IRS2: variants seen among roughly 807,000 people sequenced by gnomAD.
IRS2 encodes the protein insulin receptor substrate 2.
In IRS2, 28 loss-of-function variants were observed where a neutral mutation model predicts 70.9. That is an observed-to-expected ratio of 0.39 (90% CI 0.29 to 0.54). The LOEUF is 0.54. Among genes scored for constraint, IRS2 ranks in the 20% least tolerant of loss-of-function variants. The pLI, the probability that IRS2 is intolerant of heterozygous loss-of-function variation, is 0.59. For missense variants in IRS2, 2,081 were observed against 2,024.1 expected, an observed-to-expected ratio of 1.03 and a Z score of -0.54; for synonymous variants, 1,217 against 981.9, an observed-to-expected ratio of 1.24 and a Z score of -4.48.
Position 109,782,672 on chromosome 13 carries a change from C to T in IRS2, c.3382G>A (p.Asp1128Asn). 1 of 1,573,052 alleles carries T rather than the reference C, an allele frequency of 6.4e-7. No homozygotes were observed. The highest frequency in any genetic ancestry group is 2.3e-5 in the East Asian group (1 of 42,842). The change falls in exon 1 of 2, where the codon GAC (aspartate) becomes AAC (asparagine). Residue 1128 changes from aspartate (D) to asparagine (N), a missense_variant. Physicochemically the swap from Asp to Asn is conservative, Grantham distance 23. Around this residue, in one of 4 missense-constraint regions of IRS2, gnomAD observed 1,615 missense variants for 1,459.5 expected, o/e 1.11. Transcript: ENST00000375856. ...ATGACCTTGGCGCCGCGGTGGGGGT[C>T]CGGGGGCTGGCTGGCCTGCAGGAAG... is the stretch of plus-strand genomic sequence containing the variant. ...EAFLQASQPP[D>N]PHRGAKVIRA...
intron 1 of IRS2, among the ~76,000 whole-genome samples, chr13:109,777,524 G>T (rs78090909): frequency 6.6e-6 from 1 of 151,978 alleles, no homozygotes; most frequent in Admixed American, 6.6e-5. Flanking sequence ...AAAGAATCAC[G>T]CATTTTCCTA....
chr13:109,783,821 T>C lies in IRS2; in HGVS notation c.2233A>G (p.Met745Val), dbSNP rs771403886. The C allele has an allele frequency of 1.3e-6, 2 of 1,590,994 alleles. No individual in the cohort carries two copies. Among genetic ancestry groups the C allele is most frequent in the Non-Finnish European group, 1.7e-6 (2 of 1,169,168 alleles). Reference protein sequence around the residue: ...SSPEDSGYMRMWCGSKLSMEH... With the variant: ...SSPEDSGYMRVWCGSKLSMEH... ...ATGGACAGCTTGGAACCGCACCACA[T>C]GCGCATGTACCCACTGTCCTCGGGG... is the stretch of plus-strand genomic sequence containing the variant. Residue 745 changes from methionine to valine, a missense_variant, in exon 1 of 2, where the codon ATG (methionine) becomes GTG (valine). Transcript: ENST00000375856.
At position 109,782,129 on chromosome 13, in the gene IRS2, GC is replaced by G. The variant is rs747968639; in HGVS notation, c.3924del (p.Pro1309ArgfsTer22). 3 of 1,607,970 alleles carry G rather than the reference GC, an allele frequency of 1.9e-6. No individual in the cohort carries two copies. Among genetic ancestry groups the G allele is most frequent in the Non-Finnish European group, 1.7e-6 (2 of 1,178,140 alleles). On this transcript the variant is annotated frameshift_variant, in exon 1 of 2. Transcript: ENST00000375856. LOFTEE classifies it high-confidence loss of function. ...GVGSTGGGCG[G>X]PGPGALPPAN... ...GCAGGGGGCAGGGCACCGGGACCCG[GC>G]CCCCCGCACCCGCCGCCGGTGCTGC...
Position 109,756,295 on chromosome 13 carries a change from G to A in IRS2, c.*9C>T. ...ATGTGACATCCTGGTGATAAAGCCA[G>A]ACAGATCTTCACTCTGAAAAAGAAA... On this transcript the variant is annotated 3_prime_UTR_variant, in exon 2 of 2. Transcript: ENST00000375856. 2 of 1,608,758 alleles carry A rather than the reference G, an allele frequency of 1.2e-6. No homozygotes were observed. Among genetic ancestry groups the A allele is most frequent in the Non-Finnish European group, 1.7e-6 (2 of 1,175,098 alleles).
In IRS2 at chr13:109,755,214, C is replaced by CTTTTTTTTTTTTTTTTTTTTTTTTTTTTT. The variant is rs375324802; in HGVS notation, c.*1089_*1090insAAAAAAAAAAAAAAAAAAAAAAAAAAAAA. 1.0e-5 allele frequency: 2 copies of CTTTTTTTTTTTTTTTTTTTTTTTTTTTTT among 194,040 alleles called. No homozygotes were observed. 12.0% of individuals were successfully genotyped at this position (194,040 alleles called of 1,614,324 possible). A position where few individuals can be genotyped will look rare whatever the true frequency, so the allele number is the denominator to read the frequency against. On this transcript the variant is annotated 3_prime_UTR_variant, in exon 2 of 2. Transcript: ENST00000375856. Reference sequence around the variant, plus strand: ...CTCTTTTTATCAGTTTCTTTCTTTCCTTTTTTTTTTTTCTTTTTGTTTTTT... The same window carrying CTTTTTTTTTTTTTTTTTTTTTTTTTTTTT: ...CTCTTTTTATCAGTTTCTTTCTTTCCTTTTTTTTTTTTTTTTTTTTTTTTTTTTTTTTTTTTTTTTTCTTTTTGTTTTTT...
intron 1 of IRS2, among the ~76,000 whole-genome samples, chr13:109,767,980 C>T (rs1322638991): frequency 6.6e-6 from 1 of 152,198 alleles, no homozygotes; most frequent in Non-Finnish European, 1.5e-5. Flanking sequence ...ATCCACCAGC[C>T]TTGGTCTCCC....
chr13:109,771,710 T>G, intron 1 of IRS2, among the ~76,000 whole-genome samples: 1 of 152,176 alleles, frequency 6.6e-6, no homozygotes. Context: ...GCAAAGCACT[T>G]TAGTAATTTA....
rs12853546 is a variant in IRS2, at chr13:109,783,567, G to C, written c.2487C>G (p.Pro829=). Residue 829 remains proline, a synonymous_variant, in exon 1 of 2, where the codon CCC becomes CCG. Transcript: ENST00000375856. The stretch of plus-strand genomic sequence containing the variant: ...GCTCCTCCTCCAGGATGCGCCCCAC[G>C]GGGGAGCTCATGAGCACGTACTGGT... The part of the protein sequence containing the change: ...DSDQYVLMSS[P]VGRILEEERL... The C allele has an allele frequency of 3.9e-6, 6 of 1,549,134 alleles. No homozygotes were observed. Among genetic ancestry groups the C allele is most frequent in the Non-Finnish European group, 5.2e-6 (6 of 1,146,312 alleles).
intron 1 of IRS2, among the ~76,000 whole-genome samples, chr13:109,761,364 A>C (rs1211486127): frequency 6.6e-6 from 1 of 152,238 alleles, no homozygotes; most frequent in African/African-American, 2.4e-5. Flanking sequence ...CTTAAAATTA[A>C]AATTTGTATT....
At chr13:109,777,937 G>A (rs760581580) in intron 1 of IRS2, among the ~76,000 whole-genome samples, 21 of 152,166 alleles carry the variant, frequency 1.4e-4, no homozygotes, top group African/African-American at 4.3e-4. Flanking sequence ...AGCCTGGAGC[G>A]GAACTAGCAA....
chr13:109,785,037 C>G lies in IRS2; in HGVS notation c.1017G>C (p.Val339=). The G allele has an allele frequency of 6.5e-7, 1 of 1,534,726 alleles. No homozygotes were observed. The highest frequency in any genetic ancestry group is 8.8e-7 in the Non-Finnish European group (1 of 1,141,970). The part of the protein sequence containing the change: ...VNLPPSQTGL[V]RRSRTDSLAA... ...CCAGGCTGTCGGTGCGCGAGCGGCG[C>G]ACCAGGCCCGTCTGGCTGGGGGGCA... is the stretch of plus-strand genomic sequence containing the variant. The change falls in exon 1 of 2, where the codon GTG becomes GTC. Residue 339 remains valine (V), a synonymous_variant. Transcript: ENST00000375856. The surrounding 1 kb of genome is among the most constrained non-coding windows in gnomAD (Gnocchi z 9.3).
chr13:109,769,734 T>C (rs536688264), intron 1 of IRS2, among the ~76,000 whole-genome samples: 17 of 152,330 alleles, frequency 1.1e-4, no homozygotes, highest in Admixed American at 5.2e-4. Flanking sequence ...GTTATTCTTT[T>C]TAGCTTGAAA....
intron 1 of IRS2, among the ~76,000 whole-genome samples, chr13:109,780,559 C>A (rs1159485908): frequency 6.6e-6 from 1 of 152,166 alleles, no homozygotes; most frequent in African/African-American, 2.4e-5. Flanking sequence ...GGAGTTCACC[C>A]CACAGCTATA....
rs1328187132 is a variant in IRS2 at position 109,784,637 on chromosome 13, G to C, written c.1417C>G (p.Leu473Val). 2 of 1,300,988 alleles carry C rather than the reference G, an allele frequency of 1.5e-6. No individual in the cohort carries two copies. The highest frequency in any genetic ancestry group is 1.9e-6 in the Non-Finnish European group (2 of 1,029,116). 80.6% of individuals were successfully genotyped at this position (1,300,988 alleles called of 1,614,324 possible). A position where few individuals can be genotyped will look rare whatever the true frequency, so the allele number is the denominator to read the frequency against. Residue 473 changes from leucine to valine, a missense_variant, in exon 1 of 2, where the codon CTG (leucine) becomes GTG (valine). Physicochemically the swap from Leu to Val is conservative, Grantham distance 32. Coordinates refer to ENST00000375856, the MANE Select transcript of IRS2 (RefSeq NM_003749.3). This position sits in a 1 kb window ranked among gnomAD's most constrained non-coding sequence, Gnocchi z 5.2. ...GGCCGCTGGCCGGGGCCGTGGTGCA[G>C]CGGATGCGGCAGAGGCGGGTGCGGG... is the stretch of plus-strand genomic sequence containing the variant. ...PGPHPPLPHP[L>V]HHGPGQRPSS...
chr13:109,757,917 G>T (rs924479240), intron 1 of IRS2, among the ~76,000 whole-genome samples: 8 of 148,884 alleles, frequency 5.4e-5, no homozygotes, highest in African/African-American at 2.1e-4. Flanking sequence ...CCTGACCTCA[G>T]GTGATCCACC....
At chr13:109,775,474 A>C (rs1877552099) in intron 1 of IRS2, among the ~76,000 whole-genome samples, 2 of 152,164 alleles carry the variant, frequency 1.3e-5, no homozygotes, top group Admixed American at 6.5e-5. Context: ...AAAATCACAC[A>C]GTATAATAGG....
chr13:109,756,827 G>T (rs771557440), intron 1 of IRS2, among the ~76,000 whole-genome samples: 29 of 152,262 alleles, frequency 1.9e-4, no homozygotes, highest in African/African-American at 6.5e-4. Flanking sequence ...TATGAAAGTG[G>T]AGTAACTAAT....
chr13:109,779,502 G>T (rs1877650725), intron 1 of IRS2, among the ~76,000 whole-genome samples: 1 of 152,156 alleles, frequency 6.6e-6, no homozygotes, highest in Non-Finnish European at 1.5e-5. Context: ...AATAAAAGTG[G>T]GTATTTATCC....
chr13:109,767,726 TCC>T (rs869101493), intron 1 of IRS2, among the ~76,000 whole-genome samples: 1 of 147,912 alleles, frequency 6.8e-6, no homozygotes, highest in Non-Finnish European at 1.5e-5. Context: ...CGACCATTTT[TCC>T]TTTTTTTTTT....
Sources: allele counts gnomAD v4.1 joint callset (sites outside exome capture counted in the v4.1 genomes callset), GRCh38; gene constraint gnomAD v4.1.1; regional missense constraint gnomAD v4.1.1; non-coding constraint Gnocchi (gnomAD v3.1); transcripts MANE v1.5; gene names NCBI Gene and HGNC (gene_info 2026-07-23, HGNC 2026-07-21).